TRAK1: variants seen among roughly 807,000 people sequenced by gnomAD.
TRAK1 encodes trafficking kinesin protein 1, also known as trafficking kinesin-binding protein 1.
In TRAK1, 33 loss-of-function variants were observed where a neutral mutation model predicts 92.1. The ratio of observed to expected loss-of-function variants is 0.36; its 90% confidence interval spans 0.27 to 0.48. The LOEUF is 0.48. TRAK1 is among the 20% of genes least tolerant of loss of function. The pLI is 0.99. For synonymous variants in TRAK1, 521 were observed against 517.3 expected (o/e 1.01, Z -0.10); for missense variants, 1,123 against 1,257.9 (o/e 0.89, Z 1.62).
At chr3:42,186,582 G>A (rs4682979) in intron 4 of TRAK1, among the ~76,000 whole-genome samples, 107,720 of 152,076 alleles carry the variant, frequency 0.71, 38,594 homozygotes, top group East Asian at 0.99. Flanking sequence ...CTGGTGAGAA[G>A]GCATGCTGGG....
At chr3:42,042,954 A>G (rs987614631) in intron 1 of TRAK1, among the ~76,000 whole-genome samples, 4 of 152,060 alleles carry the variant, frequency 2.6e-5, no homozygotes, top group Admixed American at 6.6e-5. Flanking sequence ...CTCGTCTTTA[A>G]AAAAGAATGA....
At chr3:42,112,407 G>A (rs1173619665) in intron 1 of TRAK1, among the ~76,000 whole-genome samples, 3 of 148,954 alleles carry the variant, frequency 2.0e-5, no homozygotes, top group Non-Finnish European at 3.0e-5. Context: ...CAGCCTGGGC[G>A]ACAGAGCGAG....
At chr3:42,162,156 A>G (rs1206242896) in intron 2 of TRAK1, among the ~76,000 whole-genome samples, 3 of 152,162 alleles carry the variant, frequency 2.0e-5, no homozygotes, top group Non-Finnish European at 2.9e-5. Context: ...CAGTCATTGA[A>G]CTGTATGATT....
chr3:42,210,012 G>A (rs1015551290), intron 14 of TRAK1, 27 bp downstream of exon 14: 44 of 1,614,076 alleles, frequency 2.7e-5, no homozygotes, highest in Non-Finnish European at 3.3e-5. Flanking sequence ...ACGTGTGACT[G>A]TCTCAGGCAG....
At position 42,223,812 on chromosome 3, in the gene TRAK1, C is replaced by A. The variant is rs1710590707; in HGVS notation, c.*75C>A. 6 of 1,479,914 alleles carry A rather than the reference C, an allele frequency of 4.1e-6. No individual in the cohort carries two copies. Among genetic ancestry groups the A allele is most frequent in the South Asian group, 2.6e-5 (2 of 78,158 alleles). 91.7% of individuals were successfully genotyped at this position (1,479,914 alleles called of 1,614,324 possible). A position where few individuals can be genotyped will look rare whatever the true frequency, so the allele number is the denominator to read the frequency against. On this transcript the variant is annotated 3_prime_UTR_variant, in exon 16 of 16. Coordinates refer to ENST00000327628, the MANE Select transcript of TRAK1 (RefSeq NM_001042646.3). The surrounding 1 kb of genome is among the most constrained non-coding windows in gnomAD (Gnocchi z 6.1). ...TTGCTCCCACCTCCCTCTCTTCCCCCCACAGTGCACTCCCTCCCTCTGCCC... is the reference window on the plus strand; with the variant it reads ...TTGCTCCCACCTCCCTCTCTTCCCCACACAGTGCACTCCCTCCCTCTGCCC...
At chr3:42,135,424 C>T (rs913158948) in intron 2 of TRAK1, among the ~76,000 whole-genome samples, 11 of 152,116 alleles carry the variant, frequency 7.2e-5, no homozygotes, top group Non-Finnish European at 1.3e-4. Flanking sequence ...GGGAATACCA[C>T]GGTGATGATT....
intron 1 of TRAK1, among the ~76,000 whole-genome samples, chr3:42,030,736 A>G (rs1227629390): frequency 2.4e-5 from 3 of 126,380 alleles, no homozygotes; most frequent in South Asian, 5.0e-4. Flanking sequence ...ATATATATAT[A>G]TATATGTAAC....
At chr3:42,200,717 A>T in intron 11 of TRAK1, 101 bp from the exon 12 acceptor site, 1 of 1,204,068 alleles carries the variant, frequency 8.3e-7, no homozygotes, top group Non-Finnish European at 1.2e-6. Flanking sequence ...GACTCGTCAT[A>T]GGCCAGGTGC....
intron 1 of TRAK1, among the ~76,000 whole-genome samples, chr3:42,093,269 G>T (rs1423047244): frequency 6.6e-6 from 1 of 151,580 alleles, no homozygotes; most frequent in Non-Finnish European, 1.5e-5. Context: ...TGTTTTTGCA[G>T]ATGGAATGCA....
intron 1 of TRAK1, among the ~76,000 whole-genome samples, chr3:42,038,580 G>T (rs576566208): frequency 6.6e-6 from 1 of 152,238 alleles, no homozygotes; most frequent in Admixed American, 6.5e-5. Flanking sequence ...GAGCTCAGGA[G>T]TTCGAGACCA....
rs756769155 is a variant in TRAK1 at position 42,193,139 on chromosome 3, C to T, written c.834C>T (p.Ala278=). ...EELAKKTEDA[A]RQQEEITHLL... ...TGGCCAAGAAGACGGAAGATGCTGC[C>T]CGCCAGCAAGAGGAGATCACACACC... Residue 278 remains alanine (A), a synonymous_variant, in exon 8 of 16, where the codon GCC becomes GCT. Transcript: ENST00000327628. 3.1e-6 allele frequency: 5 copies of T among 1,614,078 alleles called. No homozygotes were observed. Among genetic ancestry groups the T allele is most frequent in the African/African-American group, 1.3e-5 (1 of 74,930 alleles).
At chr3:42,163,584 A>AG (rs1167210111) in intron 2 of TRAK1, among the ~76,000 whole-genome samples, 1 of 151,962 alleles carries the variant, frequency 6.6e-6, no homozygotes, top group East Asian at 1.9e-4. Flanking sequence ...AAAAAAAAAA[A>AG]AAGGCATGGA....
chr3:42,199,255 T>TACGGCC lies in TRAK1; in HGVS notation c.1190+5_1190+10dup, dbSNP rs1168488897. 6.2e-7 allele frequency: 1 copy of TACGGCC among 1,614,062 alleles called. No homozygotes were observed. The highest frequency in any genetic ancestry group is 1.3e-5 in the African/African-American group (1 of 75,042). On this transcript the variant is annotated splice_region_variant and intron_variant, in intron 11 of 15. Transcript: ENST00000327628. ...AGAGGCCGAGTCTCCAGACATCACGTACGGCCACAGTTTTTACAGTTTTGA... is the reference window on the plus strand; with the variant it reads ...AGAGGCCGAGTCTCCAGACATCACGTACGGCCACGGCCACAGTTTTTACAGTTTTGA...
chr3:42,149,146 A>G, intron 2 of TRAK1: 2 of 994,632 alleles, frequency 2.0e-6, no homozygotes, highest in Non-Finnish European at 2.4e-6. Context: ...GGCGAGCAGG[A>G]GACGAGGCTT....
At chr3:42,126,800 G>A (rs566147220) in intron 2 of TRAK1, among the ~76,000 whole-genome samples, 1 of 152,220 alleles carries the variant, frequency 6.6e-6, no homozygotes, top group Admixed American at 6.5e-5. Flanking sequence ...AAACAAATTG[G>A]TACTGCAAGT....
intron 1 of TRAK1, among the ~76,000 whole-genome samples, chr3:42,027,767 C>T (rs889011688): frequency 6.6e-6 from 1 of 152,024 alleles, no homozygotes; most frequent in South Asian, 2.1e-4. Flanking sequence ...GAAAGAAAAC[C>T]AGGAACAACC....
intron 1 of TRAK1, among the ~76,000 whole-genome samples, chr3:42,101,993 A>G (rs1452371873): frequency 6.6e-6 from 1 of 152,078 alleles, no homozygotes; most frequent in African/African-American, 2.4e-5. Flanking sequence ...GTACTTATTT[A>G]TTTATTTTTT....
intron 1 of TRAK1, among the ~76,000 whole-genome samples, chr3:42,035,688 T>G (rs1285291146): frequency 2.0e-5 from 3 of 152,220 alleles, no homozygotes; most frequent in Non-Finnish European, 1.5e-5. Flanking sequence ...TTAAGTGACC[T>G]TCCTAAAGTG....
chr3:42,196,956 C>CCTCT lies in TRAK1; in HGVS notation c.1113+2032_1113+2035dup, dbSNP rs145953745. On this transcript the variant is annotated intron_variant, in intron 10 of 15. Coordinates refer to ENST00000327628, the MANE Select transcript of TRAK1 (RefSeq NM_001042646.3). Reference sequence around the variant, plus strand: ...CTGAACTAATTTCTCTCTCCTTTCTCCTCTCTCTCTCTCTCTCTCTTTCTC... The same window carrying CCTCT: ...CTGAACTAATTTCTCTCTCCTTTCTCCTCTCTCTCTCTCTCTCTCTCTCTTTCTC... Among the ~76,000 whole-genome samples, 640 of 143,580 alleles carry CCTCT rather than the reference C, an allele frequency of 4.5e-3. 4 individuals are homozygous for CCTCT. The highest frequency in any genetic ancestry group is 0.015 in the African/African-American group (588 of 38,544). The allele number at this position is 143,580 out of a possible 152,430, so 94.2% of individuals were successfully genotyped here.
Sources: allele counts gnomAD v4.1 joint callset (sites outside exome capture counted in the v4.1 genomes callset), GRCh38; gene constraint gnomAD v4.1.1; non-coding constraint Gnocchi (gnomAD v3.1); transcripts MANE v1.5; gene names NCBI Gene and HGNC (gene_info 2026-07-23, HGNC 2026-07-21).